Variants in ZFP64 observed in about 807,000 individuals in gnomAD.
ZFP64 encodes the protein ZFP64 zinc finger protein.
A neutral mutation model predicts 51.6 loss-of-function variants in ZFP64; 14 were observed. The observed-to-expected ratio is 0.27, with a 90% CI of 0.18 to 0.42. The LOEUF (loss-of-function observed/expected upper bound fraction) is 0.42. Among genes scored for constraint, ZFP64 ranks in the 10% least tolerant of loss-of-function variants. The probability of loss-of-function intolerance (pLI) is 1.00; values close to 1 mark genes in which losing one functional copy is unlikely to be tolerated. For synonymous variants in ZFP64, 375 were observed against 361.4 expected (o/e 1.04, Z -0.43); for missense variants, 754 against 906.8 (o/e 0.83, Z 2.16).
Position 52,160,066 on chromosome 20 carries a change from A to G in ZFP64, c.763+57T>C. ...TGTGGCTGAATGCTTTAAGGTGCTT[A>G]TGATTTATGCCATAGAAAGTGAGGA... On this transcript the variant is annotated intron_variant, in intron 5 of 5. Transcript: ENST00000216923. The surrounding 1 kb of genome is among the most constrained non-coding windows in gnomAD (Gnocchi z 4.2). 1 of 1,611,306 alleles carries G rather than the reference A, an allele frequency of 6.2e-7. No individual in the cohort carries two copies. The highest frequency in any genetic ancestry group is 8.5e-7 in the Non-Finnish European group (1 of 1,178,922).
chr20:52,152,079 T>C lies in ZFP64; in HGVS notation c.*67A>G. 6.5e-7 allele frequency: 1 copy of C among 1,543,454 alleles called. No individual in the cohort carries two copies. Among genetic ancestry groups the C allele is most frequent in the East Asian group, 2.3e-5 (1 of 44,076 alleles). The stretch of plus-strand genomic sequence containing the variant: ...AAGAAAACATTAAGAGCAAACCTTT[T>C]AGAGAATTCTACTTAAGATTTCTTT... On this transcript the variant is annotated 3_prime_UTR_variant, in exon 6 of 6. Transcript: ENST00000216923.
In ZFP64 at chr20:52,094,729, C is replaced by A. The variant is rs928715240; in HGVS notation, c.976+2644G>T. On this transcript the variant is annotated intron_variant, in intron 7 of 8. Transcript: ENST00000361387. Reference sequence around the variant, plus strand: ...GCCTGGGTGACAGAGCAAGAGAAGACCCTGTCTCAAAATAAATAAATAAAT... The same window carrying A: ...GCCTGGGTGACAGAGCAAGAGAAGAACCTGTCTCAAAATAAATAAATAAAT... Among the ~76,000 whole-genome samples the A allele has an allele frequency of 4.6e-5, 7 of 150,682 alleles. No homozygotes were observed. The East Asian group carries it at 1.2e-3, about 25-fold the overall frequency.
rs541453131 is a variant in ZFP64, at chr20:52,103,516, G to T, written c.764-4929C>A. ...AGAAGTCACCTCAGTACTCCAGGAC[G>T]CACGACACCCTCCCCATGCCCGAAA... On this transcript the variant is annotated intron_variant, in intron 5 of 8. Coordinates refer to the ZFP64 transcript ENST00000361387. Among the ~76,000 whole-genome samples, 339 of 152,306 alleles carry T rather than the reference G, an allele frequency of 2.2e-3. 7 individuals are homozygous for T. The highest frequency in any genetic ancestry group is 1.3e-4 in the Non-Finnish European group (9 of 68,036).
intron 5 of ZFP64, among the ~76,000 whole-genome samples, chr20:52,116,324 C>CG (rs1978870065): frequency 6.6e-6 from 1 of 151,554 alleles, no homozygotes; most frequent in Non-Finnish European, 1.5e-5. Context: ...TTAGTAGAGA[C>CG]GGGGTTTCCC....
chr20:52,185,042 G>T (rs6123138), intron 2 of ZFP64, among the ~76,000 whole-genome samples: 9,026 of 150,392 alleles, frequency 0.06, 304 homozygotes, highest in Admixed American at 0.11. Context: ...TTATTTTTTT[G>T]AGACAGAGTC....
At chr20:52,088,318 GTGT>G (rs1341979226) in intron 8 of ZFP64, 17 of 1,570,872 alleles carry the variant, frequency 1.1e-5, no homozygotes, top group Non-Finnish European at 1.5e-5. Context: ...TAAGTTGCTT[GTGT>G]TGTTAAGTAA....
intron 7 of ZFP64, among the ~76,000 whole-genome samples, chr20:52,096,537 G>A (rs1446463902): frequency 6.6e-6 from 1 of 152,240 alleles, no homozygotes; most frequent in Non-Finnish European, 1.5e-5. Flanking sequence ...AAACATGCAA[G>A]TATAGGATTT....
chr20:52,166,680 T>A (rs921110623), intron 2 of ZFP64, among the ~76,000 whole-genome samples: 4 of 152,074 alleles, frequency 2.6e-5, no homozygotes, highest in Non-Finnish European at 4.4e-5. Flanking sequence ...GGTCTCAAAC[T>A]CCTGAGCTCA....
chr20:52,115,197 C>CAAAAAAAAA (rs11484315), intron 5 of ZFP64, among the ~76,000 whole-genome samples: 3 of 90,058 alleles, frequency 3.3e-5, no homozygotes, highest in Admixed American at 1.3e-4. Flanking sequence ...GAGTGAGTCT[C>CAAAAAAAAA]AAAAAAAAAA....
rs1568678236 is a variant in ZFP64, at chr20:52,151,374, A to T, written c.*772T>A. On this transcript the variant is annotated 3_prime_UTR_variant, in exon 6 of 6. Transcript: ENST00000216923. ...TTGGGTCAAGTATCCATGTCATATT[A>T]TGTAGAAAATGGTCCTTCATGCCAA... 4.1e-6 allele frequency: 4 copies of T among 985,358 alleles called. No individual in the cohort carries two copies. The highest frequency in any genetic ancestry group is 4.8e-6 in the Non-Finnish European group (4 of 829,924). The allele number at this position is 985,358 out of a possible 1,614,324, so 61.0% of individuals were successfully genotyped here.
chr20:52,112,103 A>G (rs1978626021), intron 5 of ZFP64, among the ~76,000 whole-genome samples: 1 of 149,382 alleles, frequency 6.7e-6, no homozygotes, highest in East Asian at 1.9e-4. Context: ...AAAAAAAACA[A>G]AAAAAAAACA....
chr20:52,176,059 G>C (rs1983184147), intron 2 of ZFP64: 4 of 708,338 alleles, frequency 5.6e-6, no homozygotes, highest in Non-Finnish European at 6.9e-6. Context: ...GATTGGTGCA[G>C]TGGAAGACAC....
chr20:52,181,638 G>A (rs936977763), intron 2 of ZFP64, among the ~76,000 whole-genome samples: 1 of 152,174 alleles, frequency 6.6e-6, no homozygotes, highest in Non-Finnish European at 1.5e-5. Context: ...TCCACCATTT[G>A]GGGGGTTGGA....
chr20:52,146,863 C>T (rs574453593), downstream of ZFP64, among the ~76,000 whole-genome samples: 3 of 152,180 alleles, frequency 2.0e-5, no homozygotes, highest in East Asian at 1.9e-4. Flanking sequence ...TATTAGAAAA[C>T]GAAATCCAGC....
intron 3 of ZFP64, 113 bp from the exon 4 acceptor site, chr20:52,164,870 G>T (rs1196536096): frequency 1.2e-6 from 1 of 831,122 alleles, no homozygotes; most frequent in South Asian, 1.4e-5. Context: ...CCACGGTAAT[G>T]GGAAAAAGAG....
chr20:52,173,673 G>A (rs1444738868), intron 2 of ZFP64, among the ~76,000 whole-genome samples: 2 of 149,972 alleles, frequency 1.3e-5, no homozygotes, highest in Admixed American at 6.6e-5. Context: ...TTTTTGAGAC[G>A]GAGTCTGGCT....
At chr20:52,084,827 G>C in exon 9 of ZFP64, 1 of 1,614,120 alleles carries the variant, frequency 6.2e-7, no homozygotes, top group Non-Finnish European at 8.5e-7. Context: ...TGCCCAGAGG[G>C]GCCCGGTTCT....
At chr20:52,118,928 C>T (rs1045938845) in intron 5 of ZFP64, among the ~76,000 whole-genome samples, 2 of 152,212 alleles carry the variant, frequency 1.3e-5, no homozygotes, top group Middle Eastern at 3.4e-3. Flanking sequence ...GGACTGCTTC[C>T]GGCCAGGAGT....
intron 4 of ZFP64, among the ~76,000 whole-genome samples, chr20:52,162,260 T>G (rs762618671): frequency 2.8e-4 from 42 of 151,750 alleles, no homozygotes; most frequent in Non-Finnish European, 4.4e-4. Context: ...ATTGTGCCAC[T>G]GCGCTACAGC....
Sources: gnomAD v4.1 joint callset for allele counts (sites outside exome capture counted in the v4.1 genomes callset) on GRCh38, gnomAD v4.1.1 for gene constraint, Gnocchi (gnomAD v3.1) non-coding constraint, MANE v1.5 for transcripts, NCBI Gene and HGNC (gene_info 2026-07-23, HGNC 2026-07-21) for gene names.